DCLK1: variants seen among roughly 807,000 people sequenced by gnomAD.
The protein encoded by DCLK1 is serine/threonine-protein kinase DCLK1.
In DCLK1, 16 loss-of-function variants were observed where a neutral mutation model predicts 86.2. That is an observed-to-expected ratio of 0.19 (90% CI 0.13 to 0.28). DCLK1 has a LOEUF of 0.28. Among genes scored for constraint, DCLK1 ranks in the 10% least tolerant of loss-of-function variants. DCLK1 has a pLI of 1.00. For missense variants in DCLK1, 590 were observed against 940.2 expected (o/e 0.63, Z 4.87); for synonymous variants, 369 against 370.5 (o/e 1.00, Z 0.05).
intron 3 of DCLK1, among the ~76,000 whole-genome samples, chr13:35,985,768 T>A (rs1879873095): frequency 6.6e-6 from 1 of 152,126 alleles, no homozygotes; most frequent in Non-Finnish European, 1.5e-5. Flanking sequence ...AGAATCTTCC[T>A]CCCCTTTGGC....
chr13:35,982,808 T>G (rs1879726293), intron 3 of DCLK1, among the ~76,000 whole-genome samples: 1 of 152,084 alleles, frequency 6.6e-6, no homozygotes, highest in African/African-American at 2.4e-5. Flanking sequence ...GTCACCCAGG[T>G]TGGAGTGCAG....
At chr13:35,970,189 C>T (rs1182814076) in intron 3 of DCLK1, among the ~76,000 whole-genome samples, 1 of 152,130 alleles carries the variant, frequency 6.6e-6, no homozygotes, top group Non-Finnish European at 1.5e-5. Context: ...CTAGGTTTTG[C>T]TAATCTTCCT....
intron 3 of DCLK1, among the ~76,000 whole-genome samples, chr13:36,004,853 C>T (rs1180376418): frequency 6.6e-6 from 1 of 152,210 alleles, no homozygotes; most frequent in Non-Finnish European, 1.5e-5. Flanking sequence ...GCTGGGATTA[C>T]AGGCGTGAGC....
At chr13:35,940,612 G>A (rs1877031423) in intron 4 of DCLK1, among the ~76,000 whole-genome samples, 2 of 152,088 alleles carry the variant, frequency 1.3e-5, no homozygotes, top group Admixed American at 1.3e-4. Context: ...ACGGAGAGAG[G>A]GAAGCATTTA....
rs573749675 is a variant in DCLK1, at chr13:35,967,069, G to A, written c.724-19612C>T. Among the ~76,000 whole-genome samples, 422 of 151,762 alleles carry A rather than the reference G, an allele frequency of 2.8e-3. 1 individual carries two copies. The highest frequency in any genetic ancestry group is 4.8e-3 in the Non-Finnish European group (327 of 67,946). ...CGTCTAGGAAGTGAGGAGCGTCTCTGCCCGGCCGCCCATCGTCTGGGATGT... is the reference window on the plus strand; with the variant it reads ...CGTCTAGGAAGTGAGGAGCGTCTCTACCCGGCCGCCCATCGTCTGGGATGT... On this transcript the variant is annotated intron_variant, in intron 3 of 16. Coordinates refer to ENST00000360631, the MANE Select transcript of DCLK1 (RefSeq NM_001330071.2).
chr13:35,936,962 C>CTTTTTTTTATTTTTTTTTTTTTTTTTTT (rs1876787859), intron 4 of DCLK1, among the ~76,000 whole-genome samples: 1 of 65,712 alleles, frequency 1.5e-5, no homozygotes, highest in Non-Finnish European at 3.0e-5. Flanking sequence ...GAAAAGTTAG[C>CTTTTTTTTATTTTTTTTTTTTTTTTTTT]TTTTTTTTTT....
At chr13:35,808,134 G>A in intron 14 of DCLK1, 90 bp downstream of exon 14, 1 of 1,198,314 alleles carries the variant, frequency 8.3e-7, no homozygotes, top group South Asian at 1.2e-5. Context: ...TACTTATGAT[G>A]TCATTAGTTT....
At chr13:36,055,542 C>T (rs771399971) in intron 3 of DCLK1, among the ~76,000 whole-genome samples, 6 of 152,152 alleles carry the variant, frequency 3.9e-5, no homozygotes, top group Non-Finnish European at 5.9e-5. Flanking sequence ...GAAACCTCCC[C>T]GCATTTTCCC....
intron 3 of DCLK1, among the ~76,000 whole-genome samples, chr13:36,086,153 C>G (rs1884592785): frequency 6.6e-6 from 1 of 152,174 alleles, no homozygotes; most frequent in African/African-American, 2.4e-5. Context: ...ACTCAGCAGC[C>G]AGGGTCACTG....
At chr13:35,999,174 G>A (rs975807822) in intron 3 of DCLK1, among the ~76,000 whole-genome samples, 1 of 151,896 alleles carries the variant, frequency 6.6e-6, no homozygotes, top group African/African-American at 2.4e-5. Context: ...AGAATCACTT[G>A]AACCCAGGAG....
At chr13:35,864,629 C>CA (rs1173615342) in intron 5 of DCLK1, among the ~76,000 whole-genome samples, 1 of 123,110 alleles carries the variant, frequency 8.1e-6, no homozygotes, top group East Asian at 2.6e-4. Flanking sequence ...GTAAAACAAA[C>CA]AAAAAAACTC....
At chr13:35,999,059 A>T (rs552708566) in intron 3 of DCLK1, among the ~76,000 whole-genome samples, 47 of 152,312 alleles carry the variant, frequency 3.1e-4, no homozygotes, top group African/African-American at 1.1e-3. Flanking sequence ...GTTCGAGACC[A>T]GCCTGGCCGA....
intron 5 of DCLK1, among the ~76,000 whole-genome samples, chr13:35,870,944 T>C (rs1338056756): frequency 1.3e-5 from 2 of 152,208 alleles, no homozygotes; most frequent in East Asian, 3.8e-4. Context: ...AAGATTAACT[T>C]TGGTGGTAGA....
At chr13:36,110,940 C>T (rs1885594309) in intron 3 of DCLK1, among the ~76,000 whole-genome samples, 2 of 150,638 alleles carry the variant, frequency 1.3e-5, no homozygotes, top group South Asian at 2.1e-4. Context: ...ACGCCATTCT[C>T]CTGCCTCAGC....
intron 3 of DCLK1, among the ~76,000 whole-genome samples, chr13:35,996,357 A>G (rs762530800): frequency 6.6e-6 from 1 of 152,080 alleles, no homozygotes; most frequent in Non-Finnish European, 1.5e-5. Flanking sequence ...GCCCATTCCC[A>G]CTTGAGGTGG....
chr13:35,972,875 C>A (rs1483450716), intron 3 of DCLK1, among the ~76,000 whole-genome samples: 2 of 152,158 alleles, frequency 1.3e-5, no homozygotes, highest in Non-Finnish European at 2.9e-5. Flanking sequence ...TCTCTCTCAT[C>A]TCCTCTGTCC....
At chr13:35,974,013 G>T (rs1391573444) in intron 3 of DCLK1, among the ~76,000 whole-genome samples, 1 of 151,660 alleles carries the variant, frequency 6.6e-6, no homozygotes, top group Non-Finnish European at 1.5e-5. Flanking sequence ...TCATTTTTCT[G>T]CAAAAAAATA....
At chr13:36,098,607 C>A (rs970514425) in intron 3 of DCLK1, among the ~76,000 whole-genome samples, 1 of 152,210 alleles carries the variant, frequency 6.6e-6, no homozygotes, top group African/African-American at 2.4e-5. Context: ...TGCCAATCCT[C>A]AAAATAGATC....
intron 3 of DCLK1, among the ~76,000 whole-genome samples, chr13:36,045,370 A>ATATC (rs1566658754): frequency 7.5e-6 from 1 of 133,166 alleles, no homozygotes; most frequent in East Asian, 2.2e-4. Flanking sequence ...ATATATATAT[A>ATATC]TATATATTTC....
Sources: allele counts gnomAD v4.1 joint callset (sites outside exome capture counted in the v4.1 genomes callset), GRCh38; gene constraint gnomAD v4.1.1; transcripts MANE v1.5; gene names NCBI Gene and HGNC (gene_info 2026-07-23, HGNC 2026-07-21).